Variants in GLIS3 observed in about 807,000 individuals in gnomAD.
GLIS3 encodes zinc finger protein GLIS3.
In GLIS3, 53 loss-of-function variants were observed where a neutral mutation model predicts 78.6. The ratio of observed to expected loss-of-function variants is 0.67; its 90% confidence interval spans 0.54 to 0.85. GLIS3 has a LOEUF of 0.85. Ranked by LOEUF, GLIS3 falls within the 40% of genes least tolerant of loss-of-function variation. The pLI, the probability that GLIS3 is intolerant of heterozygous loss-of-function variation, is 0.00. For synonymous variants in GLIS3, 684 were observed against 509.9 expected, an observed-to-expected ratio of 1.34 and a Z score of -4.60; for missense variants, 1,703 against 1,231.1, an observed-to-expected ratio of 1.38 and a Z score of -5.74.
chr9:4,401,305 G>A, the GLIS3 span, among the ~76,000 whole-genome samples: 1 of 152,180 alleles, frequency 6.6e-6, no homozygotes, highest in African/African-American at 2.4e-5. Flanking sequence ...TGTTGCCCAG[G>A]CTGGAGTGCA....
the GLIS3 span, among the ~76,000 whole-genome samples, chr9:4,440,649 T>A: frequency 1.3e-5 from 2 of 152,222 alleles, no homozygotes; most frequent in African/African-American, 4.8e-5. Flanking sequence ...CTATTCAAGG[T>A]TTCTGTGGTT....
chr9:4,180,692 A>G (rs985989645), intron 2 of GLIS3, among the ~76,000 whole-genome samples: 1 of 152,244 alleles, frequency 6.6e-6, no homozygotes. Flanking sequence ...TATGCAAGCC[A>G]AACCCCCAAT....
chr9:4,127,712 T>C (rs1832677977), intron 2 of GLIS3, among the ~76,000 whole-genome samples: 1 of 152,190 alleles, frequency 6.6e-6, no homozygotes, highest in Non-Finnish European at 1.5e-5. Flanking sequence ...CTATATGAAT[T>C]CTTTCCCCAG....
the GLIS3 span, among the ~76,000 whole-genome samples, chr9:4,447,953 T>C: frequency 6.6e-6 from 1 of 152,226 alleles, no homozygotes; most frequent in Non-Finnish European, 1.5e-5. Context: ...GCTCTCAATA[T>C]GTTGCCCAGA....
intron 2 of GLIS3, among the ~76,000 whole-genome samples, chr9:4,335,933 T>C (rs771276591): frequency 1.3e-5 from 2 of 152,136 alleles, no homozygotes; most frequent in Admixed American, 1.3e-4. Flanking sequence ...AGGTAAAAAT[T>C]TGCGGACTTC....
At chr9:4,191,316 C>T (rs2064982) in intron 2 of GLIS3, among the ~76,000 whole-genome samples, 152,241 of 152,348 alleles carry the variant, frequency 1, 76,067 homozygotes, top group Non-Finnish European at 1. Context: ...CACAAAATAA[C>T]GGTGTATTTT....
At chr9:4,409,769 T>C in the GLIS3 span, among the ~76,000 whole-genome samples, 5 of 152,230 alleles carry the variant, frequency 3.3e-5, no homozygotes, top group East Asian at 7.7e-4. Flanking sequence ...GAATTTCTCA[T>C]AAAACAAAGA....
At chr9:4,141,289 G>T (rs773532609) in intron 2 of GLIS3, among the ~76,000 whole-genome samples, 2 of 152,172 alleles carry the variant, frequency 1.3e-5, no homozygotes, top group Non-Finnish European at 2.9e-5. Context: ...TAGCAAGACA[G>T]CTCCCAAGGA....
At chr9:4,420,937 G>A in the GLIS3 span, among the ~76,000 whole-genome samples, 1 of 152,114 alleles carries the variant, frequency 6.6e-6, no homozygotes, top group Non-Finnish European at 1.5e-5. Context: ...TGTAGCACTT[G>A]CATGAATATT....
chr9:4,051,389 T>C (rs1370542122), intron 4 of GLIS3, among the ~76,000 whole-genome samples: 1 of 152,146 alleles, frequency 6.6e-6, no homozygotes, highest in Non-Finnish European at 1.5e-5. Context: ...CTGCTGGAGA[T>C]TGCTATAGTC....
chr9:4,117,921 C>G lies in GLIS3; in HGVS notation c.1557G>C (p.Arg519=). The stretch of plus-strand genomic sequence containing the variant: ...GGTCGATGTGGACCTTCTCGATGTG[C>G]CGCACGAGCTCCTCCTGCTGGTCGT... ...ALYDQQEELV[R]HIEKVHIDQR... Residue 519 remains arginine, a synonymous_variant, in exon 4 of 11, where the codon CGG becomes CGC. Coordinates refer to ENST00000381971, the MANE Select transcript of GLIS3 (RefSeq NM_001042413.2). The G allele has an allele frequency of 6.2e-7, 1 of 1,614,148 alleles. No individual in the cohort carries two copies. Among genetic ancestry groups the G allele is most frequent in the Non-Finnish European group, 8.5e-7 (1 of 1,180,030 alleles).
chr9:4,114,670 G>C (rs1256423899), intron 4 of GLIS3, among the ~76,000 whole-genome samples: 4 of 152,114 alleles, frequency 2.6e-5, no homozygotes, highest in Non-Finnish European at 5.9e-5. Flanking sequence ...GCATATCCCG[G>C]TTTCTGACTA....
At chr9:4,368,105 A>G in the GLIS3 span, among the ~76,000 whole-genome samples, 1 of 152,228 alleles carries the variant, frequency 6.6e-6, no homozygotes, top group Non-Finnish European at 1.5e-5. Flanking sequence ...ATCACATGGC[A>G]TGACTATTCT....
At chr9:4,392,762 G>A in the GLIS3 span, among the ~76,000 whole-genome samples, 1 of 152,278 alleles carries the variant, frequency 6.6e-6, no homozygotes, top group Non-Finnish European at 1.5e-5. Context: ...ACCCAAGGGA[G>A]CACCTCAGAG....
At chr9:3,913,472 G>C (rs1035121093) in intron 6 of GLIS3, among the ~76,000 whole-genome samples, 2 of 152,184 alleles carry the variant, frequency 1.3e-5, no homozygotes, top group Non-Finnish European at 2.9e-5. Context: ...CATGTCCCAT[G>C]ATGGAGGTCA....
At chr9:4,360,898 C>T in the GLIS3 span, among the ~76,000 whole-genome samples, 42 of 152,302 alleles carry the variant, frequency 2.8e-4, no homozygotes, top group Non-Finnish European at 8.8e-5. Flanking sequence ...AGGCACATGA[C>T]AAGAGGAAAC....
chr9:4,343,811 A>C (rs577047476), intron 2 of GLIS3, among the ~76,000 whole-genome samples: 1 of 152,208 alleles, frequency 6.6e-6, no homozygotes, highest in South Asian at 2.1e-4. Flanking sequence ...AATTAACTCA[A>C]GAACAGAAAA....
intron 4 of GLIS3, among the ~76,000 whole-genome samples, chr9:4,054,739 AT>A (rs367728463): frequency 2.6e-5 from 4 of 151,444 alleles, no homozygotes; most frequent in African/African-American, 4.8e-5. Flanking sequence ...TCCAGAGTGG[AT>A]TTTTTTTTGT....
At chr9:4,368,317 T>TA in the GLIS3 span, among the ~76,000 whole-genome samples, 1 of 150,020 alleles carries the variant, frequency 6.7e-6, no homozygotes, top group African/African-American at 2.5e-5. Context: ...GAGCACTGGG[T>TA]AGGGAGCGCA....
Sources: gnomAD v4.1 joint callset for allele counts (sites outside exome capture counted in the v4.1 genomes callset) on GRCh38, gnomAD v4.1.1 for gene constraint, MANE v1.5 for transcripts, NCBI Gene and HGNC (gene_info 2026-07-23, HGNC 2026-07-21) for gene names.